Variants in TRMT11 observed in about 807,000 individuals in gnomAD.
The protein encoded by TRMT11 is tRNA methyltransferase 11.
In TRMT11, 53 loss-of-function variants were observed where a neutral mutation model predicts 62.8. The ratio of observed to expected loss-of-function variants is 0.84; its 90% CI spans 0.68 to 1.06. TRMT11 has a LOEUF of 1.06. Among genes scored for constraint, TRMT11 ranks in the 50% least tolerant of loss-of-function variants. The pLI, the probability that TRMT11 is intolerant of heterozygous loss-of-function variation, is 0.00. For synonymous variants in TRMT11, 188 were observed against 190.3 expected (o/e 0.99, Z 0.10); for missense variants, 556 against 553.4 (o/e 1.00, Z -0.05).
intron 1 of TRMT11, among the ~76,000 whole-genome samples, chr6:126,187,015 T>C (rs1181937578): frequency 6.6e-6 from 1 of 152,090 alleles, no homozygotes; most frequent in Non-Finnish European, 1.5e-5. Flanking sequence ...TTACAGTTAA[T>C]ATTTTATTTA....
At chr6:126,018,153 T>C (rs1795260605) in intron 11 of TRMT11, among the ~76,000 whole-genome samples, 1 of 152,182 alleles carries the variant, frequency 6.6e-6, no homozygotes, top group Non-Finnish European at 1.5e-5. Flanking sequence ...TAAAAATTTT[T>C]AAAAAGGTGA....
chr6:126,106,290 C>T (rs1260229193), intron 17 of TRMT11, among the ~76,000 whole-genome samples: 1 of 151,906 alleles, frequency 6.6e-6, no homozygotes, highest in African/African-American at 2.4e-5. Context: ...ATTACAGGCG[C>T]CTGCCACCAT....
chr6:126,259,229 C>A, the TRMT11 span, among the ~76,000 whole-genome samples: 1 of 152,176 alleles, frequency 6.6e-6, no homozygotes, highest in Non-Finnish European at 1.5e-5. Context: ...TGGAGTCTTA[C>A]TTTATCACCC....
At chr6:126,115,612 G>A (rs1777578041) in intron 20 of TRMT11, among the ~76,000 whole-genome samples, 1 of 152,084 alleles carries the variant, frequency 6.6e-6, no homozygotes, top group South Asian at 2.1e-4. Context: ...AAATGTACAT[G>A]TTACTCAAGA....
At chr6:126,174,667 C>T (rs1778365636), upstream of TRMT11, among the ~76,000 whole-genome samples, 1 of 152,170 alleles carries the variant, frequency 6.6e-6, no homozygotes, top group South Asian at 2.1e-4. Flanking sequence ...CTCTTGTGGA[C>T]AAGTCAAAAT....
intron 17 of TRMT11, among the ~76,000 whole-genome samples, chr6:126,069,487 A>C (rs554459012): frequency 1.3e-4 from 20 of 151,318 alleles, no homozygotes; most frequent in African/African-American, 4.6e-4. Flanking sequence ...TTATATTATT[A>C]TTTTTTAATG....
intron 16 of TRMT11, among the ~76,000 whole-genome samples, chr6:126,044,855 C>T (rs1009177770): frequency 6.6e-6 from 1 of 151,832 alleles, no homozygotes; most frequent in South Asian, 2.1e-4. Flanking sequence ...GGTCACTCTT[C>T]TGGGACTTGG....
the TRMT11 span, chr6:126,257,877 G>T: frequency 1.5e-6 from 2 of 1,344,402 alleles, no homozygotes; most frequent in East Asian, 2.3e-5. Flanking sequence ...AGGTCGGGGG[G>T]ACAGTGATTG....
intron 12 of TRMT11, among the ~76,000 whole-genome samples, chr6:126,024,815 T>C (rs191389139): frequency 3.4e-4 from 52 of 152,334 alleles, no homozygotes; most frequent in African/African-American, 1.2e-3. Flanking sequence ...GTTTGTCTTT[T>C]GGTATTTTAA....
intron 2 of TRMT11, 148 bp from the exon 3 acceptor site, chr6:125,995,819 G>T: frequency 1.6e-6 from 1 of 616,838 alleles, no homozygotes; most frequent in Non-Finnish European, 2.9e-6. Flanking sequence ...TTTTACTATT[G>T]GAACGATTTT....
At chr6:126,229,678 A>G in the TRMT11 span, among the ~76,000 whole-genome samples, 1 of 152,192 alleles carries the variant, frequency 6.6e-6, no homozygotes, top group East Asian at 1.9e-4. Flanking sequence ...AAAATTTATT[A>G]TAGTGATGAC....
At chr6:126,040,773 A>G (rs1775853073), downstream of TRMT11, among the ~76,000 whole-genome samples, 2 of 152,104 alleles carry the variant, frequency 1.3e-5, no homozygotes, top group Admixed American at 1.3e-4. Flanking sequence ...TCTGGCATAT[A>G]TTAAATATCC....
downstream of TRMT11, among the ~76,000 whole-genome samples, chr6:126,203,408 G>A (rs1222964562): frequency 6.6e-6 from 1 of 152,164 alleles, no homozygotes; most frequent in Non-Finnish European, 1.5e-5. Flanking sequence ...AGAAATATCA[G>A]TAAATTTGTA....
chr6:126,052,138 T>C (rs1322643333), intron 16 of TRMT11, among the ~76,000 whole-genome samples: 2 of 152,222 alleles, frequency 1.3e-5, no homozygotes, highest in African/African-American at 2.4e-5. Flanking sequence ...GCTGCGAGAA[T>C]AACACTGGCT....
chr6:126,039,075 G>A lies in TRMT11; in HGVS notation c.*239G>A. On this transcript the variant is annotated 3_prime_UTR_variant, in exon 13 of 13. Coordinates refer to ENST00000334379, the MANE Select transcript of TRMT11 (RefSeq NM_001031712.3). ...TATATTTGTACTTTCAAGTACTGAT[G>A]GAGATAGACTCAAAACAGTTATTTT... is the stretch of plus-strand genomic sequence containing the variant. 1 of 292,322 alleles carries A rather than the reference G, an allele frequency of 3.4e-6. No individual in the cohort carries two copies. The highest frequency in any genetic ancestry group is 6.2e-6 in the Non-Finnish European group (1 of 160,496). The allele number at this position is 292,322 out of a possible 1,614,324, so 18.1% of individuals were successfully genotyped here.
chr6:126,239,045 T>C, the TRMT11 span, among the ~76,000 whole-genome samples: 1 of 152,200 alleles, frequency 6.6e-6, no homozygotes, highest in Admixed American at 6.5e-5. Flanking sequence ...CTTCCTTTTT[T>C]TTGTTTTCCA....
At chr6:126,141,540 G>A (rs894961513) in intron 21 of TRMT11, among the ~76,000 whole-genome samples, 1 of 152,120 alleles carries the variant, frequency 6.6e-6, no homozygotes, top group Non-Finnish European at 1.5e-5. Context: ...TCTACTCCAA[G>A]TCCACCAAGC....
At chr6:126,053,703 T>C (rs755693463) in intron 17 of TRMT11, among the ~76,000 whole-genome samples, 3 of 152,018 alleles carry the variant, frequency 2.0e-5, no homozygotes, top group Non-Finnish European at 4.4e-5. Flanking sequence ...CATGGCGTGG[T>C]GTGTCCTCTC....
rs371002747 is a variant in TRMT11 at position 125,994,850 on chromosome 6, C to T, written c.138+1028C>T. Among the ~76,000 whole-genome samples, 36 of 152,250 alleles carry T rather than the reference C, an allele frequency of 2.4e-4. 1 individual carries two copies. Among genetic ancestry groups the T allele is most frequent in the East Asian group, 1.3e-3 (7 of 5,186 alleles). ...GCAGGGGCATGGATAGAGTTGGAAG[C>T]CATTATCCTCAGCAAACTAATGCAG... On this transcript the variant is annotated intron_variant, in intron 2 of 12. Coordinates refer to ENST00000334379, the MANE Select transcript of TRMT11 (RefSeq NM_001031712.3).
Sources: allele counts gnomAD v4.1 joint callset (sites outside exome capture counted in the v4.1 genomes callset), GRCh38; gene constraint gnomAD v4.1.1; transcripts MANE v1.5; gene names NCBI Gene and HGNC (gene_info 2026-07-23, HGNC 2026-07-21).